The following MEIS1 variants were observed in gnomAD, a reference collection of about 807,000 sequenced individuals.
The protein encoded by MEIS1 is Meis homeobox 1.
A neutral mutation model predicts 50.8 loss-of-function variants in MEIS1; 5 were observed. That is an observed-to-expected ratio of 0.10 (90% CI 0.05 to 0.21). The LOEUF is 0.21. MEIS1 is among the 10% of genes least tolerant of loss of function. MEIS1 has a pLI of 1.00. For synonymous variants in MEIS1, 176 were observed against 179.3 expected (o/e 0.98, Z 0.15); for missense variants, 318 against 517.3 (o/e 0.61, Z 3.74).
intron 7 of MEIS1, among the ~76,000 whole-genome samples, chr2:66,465,626 G>A (rs1445674205): frequency 1.3e-5 from 2 of 152,126 alleles, no homozygotes; most frequent in African/African-American, 2.4e-5. Flanking sequence ...TGCTACATGG[G>A]GTCGCAGCCT....
chr2:66,520,870 G>T (rs1419877745), intron 8 of MEIS1, among the ~76,000 whole-genome samples: 1 of 152,178 alleles, frequency 6.6e-6, no homozygotes, highest in African/African-American at 2.4e-5. Context: ...AGGATCTCCT[G>T]ACTTGAATTT....
intron 6 of MEIS1, chr2:66,443,385 C>T (rs539525280): frequency 3.4e-5 from 8 of 236,594 alleles, no homozygotes; most frequent in South Asian, 2.7e-4. Context: ...GGCTTTGTTC[C>T]GGAGCATTTT....
intron 7 of MEIS1, among the ~76,000 whole-genome samples, chr2:66,491,173 A>G (rs1480006199): frequency 1.3e-5 from 2 of 152,218 alleles, no homozygotes; most frequent in African/African-American, 4.8e-5. Flanking sequence ...CTCTTGATGC[A>G]ATAATAGTCC....
intron 7 of MEIS1, among the ~76,000 whole-genome samples, chr2:66,503,247 T>G (rs963147131): frequency 6.6e-6 from 1 of 152,150 alleles, no homozygotes; most frequent in Non-Finnish European, 1.5e-5. Flanking sequence ...GTCATGACTC[T>G]CAGAACCCTA....
chr2:66,470,885 T>G (rs67058070), intron 7 of MEIS1, among the ~76,000 whole-genome samples: 45,898 of 151,992 alleles, frequency 0.3, 9,830 homozygotes, highest in African/African-American at 0.61. Context: ...GACAGACAAA[T>G]GTTCTGTCTT....
At chr2:66,496,941 T>C (rs1314288057) in intron 7 of MEIS1, among the ~76,000 whole-genome samples, 1 of 152,196 alleles carries the variant, frequency 6.6e-6, no homozygotes. Context: ...CCTTGTACAT[T>C]TCAGGGGTGG....
At chr2:66,561,803 C>G (rs866478147) in intron 9 of MEIS1, among the ~76,000 whole-genome samples, 25 of 152,176 alleles carry the variant, frequency 1.6e-4, no homozygotes, top group African/African-American at 5.5e-4. Context: ...ATCCTGCTGA[C>G]AGTTCACTTA....
intron 6 of MEIS1, among the ~76,000 whole-genome samples, chr2:66,450,215 T>C (rs1273955293): frequency 6.6e-6 from 1 of 152,202 alleles, no homozygotes; most frequent in Non-Finnish European, 1.5e-5. Flanking sequence ...AAAATACATT[T>C]CTACAGTGGA....
intron 8 of MEIS1, among the ~76,000 whole-genome samples, chr2:66,525,127 C>T (rs930537157): frequency 9.9e-5 from 15 of 152,170 alleles, no homozygotes; most frequent in Middle Eastern, 3.4e-3. Context: ...GCAGGAAAAT[C>T]GCTTGAGCCC....
chr2:66,464,725 C>T (rs187170870), intron 7 of MEIS1, among the ~76,000 whole-genome samples: 376 of 152,258 alleles, frequency 2.5e-3, no homozygotes, highest in Non-Finnish European at 3.9e-3. Flanking sequence ...AAGTGCTTGA[C>T]TTCATTGCAA....
chr2:66,439,503 G>A (rs1671895046), intron 2 of MEIS1: 1 of 1,467,722 alleles, frequency 6.8e-7, no homozygotes, highest in Non-Finnish European at 9.0e-7. Flanking sequence ...CAGTGGAGGG[G>A]ACGAGGGCTT....
intron 6 of MEIS1, among the ~76,000 whole-genome samples, chr2:66,454,027 A>G (rs1672333781): frequency 1.3e-5 from 2 of 152,050 alleles, no homozygotes; most frequent in Non-Finnish European, 1.5e-5. Flanking sequence ...TTGAATCTAG[A>G]CTTTGCTCTG....
intron 7 of MEIS1, among the ~76,000 whole-genome samples, 192 bp from the exon 8 acceptor site, chr2:66,511,957 C>T (rs1673841653): frequency 6.6e-6 from 1 of 152,190 alleles, no homozygotes; most frequent in African/African-American, 2.4e-5. Flanking sequence ...GTTCTTTAGA[C>T]CTGACTGCTC....
intron 8 of MEIS1, among the ~76,000 whole-genome samples, chr2:66,528,635 C>G (rs1039226192): frequency 2.6e-5 from 4 of 152,196 alleles, no homozygotes; most frequent in Non-Finnish European, 4.4e-5. Flanking sequence ...TCCCACCTAG[C>G]TCCATTGCCA....
intron 8 of MEIS1, among the ~76,000 whole-genome samples, chr2:66,527,847 C>G (rs1449776530): frequency 6.6e-6 from 1 of 152,232 alleles, no homozygotes; most frequent in South Asian, 2.1e-4. Context: ...TCTAACTTAT[C>G]TTTGAATTGC....
At chr2:66,470,357 T>C (rs939209093) in intron 7 of MEIS1, among the ~76,000 whole-genome samples, 1 of 152,118 alleles carries the variant, frequency 6.6e-6, no homozygotes, top group Non-Finnish European at 1.5e-5. Flanking sequence ...AAAGAGGAAG[T>C]TATTATGCTC....
At chr2:66,530,208 AAGG>A (rs1674355868) in intron 8 of MEIS1, among the ~76,000 whole-genome samples, 2 of 151,786 alleles carry the variant, frequency 1.3e-5, no homozygotes, top group Non-Finnish European at 2.9e-5. Context: ...AAAAAAAAAA[AAGG>A]AAAGAAGAAA....
At chr2:66,477,333 A>G (rs1232597742) in intron 7 of MEIS1, among the ~76,000 whole-genome samples, 1 of 152,172 alleles carries the variant, frequency 6.6e-6, no homozygotes, top group East Asian at 1.9e-4. Flanking sequence ...AGGCTCTGGG[A>G]TGATGCCAAG....
At chr2:66,565,539 C>T (rs938899873) in intron 9 of MEIS1, among the ~76,000 whole-genome samples, 9 of 152,148 alleles carry the variant, frequency 5.9e-5, no homozygotes, top group Non-Finnish European at 1.3e-4. Context: ...GTGCTTGCTA[C>T]CACTGACAGC....
Sources: allele counts gnomAD v4.1 joint callset (sites outside exome capture counted in the v4.1 genomes callset), GRCh38; gene constraint gnomAD v4.1.1; transcripts MANE v1.5; gene names NCBI Gene and HGNC (gene_info 2026-07-23, HGNC 2026-07-21).